LIMCH1: variants seen among roughly 807,000 people sequenced by gnomAD.
LIMCH1 encodes LIM and calponin homology domains 1.
LIMCH1 carries 113 observed loss-of-function variants against 176.5 expected under a neutral mutation model. The observed-to-expected ratio is 0.64, with a 90% CI of 0.55 to 0.75. The LOEUF is 0.75. Ranked by LOEUF, LIMCH1 falls within the 30% of genes least tolerant of loss-of-function variation. LIMCH1 has a pLI of 0.00. For synonymous variants in LIMCH1, 619 were observed against 645.9 expected (o/e 0.96, Z 0.63); for missense variants, 1,674 against 1,814.9 (o/e 0.92, Z 1.41).
rs202024828 is a variant in LIMCH1, at chr4:41,692,375, C to T, written c.4369C>T (p.Arg1457Ter). ...GLLNCNDCYM[R>*]SRSAGQPTTL ...CCTGAACTGTAATGATTGCTACATG[C>T]GATCCAGAAGTAAGTACTGGGGAGA... is the stretch of plus-strand genomic sequence containing the variant. Residue 1457 changes from arginine to a stop codon, truncating the protein, a stop_gained, in exon 31 of 32, where the codon CGA becomes TGA. Coordinates refer to ENST00000503057, the MANE Select transcript of LIMCH1 (RefSeq NM_001330672.2). LOFTEE classifies it high-confidence loss of function. 6.9e-6 allele frequency: 11 copies of T among 1,604,722 alleles called. No individual in the cohort carries two copies. The highest frequency in any genetic ancestry group is 1.7e-4 in the Middle Eastern group (1 of 6,036).
At chr4:41,433,078 C>T (rs2061741531) in intron 1 of LIMCH1, among the ~76,000 whole-genome samples, 1 of 152,218 alleles carries the variant, frequency 6.6e-6, no homozygotes, top group South Asian at 2.1e-4. Context: ...ATCACATTCT[C>T]TTAACATGAG....
chr4:41,500,263 T>C lies in LIMCH1; in HGVS notation c.167+5657T>C, dbSNP rs529904015. 3.3e-5 allele frequency among the ~76,000 whole-genome samples: 5 copies of C among 152,372 alleles called. No homozygotes were observed. In the East Asian group the frequency reaches 9.7e-4, roughly 29 times the overall value. On this transcript the variant is annotated intron_variant, in intron 2 of 26. Coordinates refer to the LIMCH1 transcript ENST00000313860. Reference sequence around the variant, plus strand: ...GGCTTTAGTATCTATTGATGATACTTTCCTGAATCAGTCATTACACTGAGA... The same window carrying C: ...GGCTTTAGTATCTATTGATGATACTCTCCTGAATCAGTCATTACACTGAGA...
chr4:41,604,336 C>A, intron 3 of LIMCH1: 1 of 482,066 alleles, frequency 2.1e-6, no homozygotes, highest in Non-Finnish European at 2.7e-6. Flanking sequence ...GTATTTTGTT[C>A]TCCTTTAAAT....
intron 23 of LIMCH1, 60 bp downstream of exon 23, chr4:41,676,522 C>A: frequency 1.7e-6 from 2 of 1,195,234 alleles, no homozygotes; most frequent in Non-Finnish European, 1.2e-6. Context: ...CTTTCCATTG[C>A]ATTAAATAGA....
At chr4:41,634,839 C>T (rs567099828) in intron 13 of LIMCH1, among the ~76,000 whole-genome samples, 7 of 152,248 alleles carry the variant, frequency 4.6e-5, no homozygotes, top group Non-Finnish European at 1.0e-4. Context: ...ACATGATTCC[C>T]GAGCTGGTTA....
intron 1 of LIMCH1, among the ~76,000 whole-genome samples, chr4:41,590,594 T>C: frequency 6.6e-6 from 1 of 152,164 alleles, no homozygotes; most frequent in South Asian, 2.1e-4. Context: ...ATAGTTCTCT[T>C]CTCCTCCCAC....
At chr4:41,499,596 G>T (rs1019770723) in intron 2 of LIMCH1, among the ~76,000 whole-genome samples, 7 of 152,188 alleles carry the variant, frequency 4.6e-5, no homozygotes, top group African/African-American at 1.4e-4. Context: ...AAGGTGGGGG[G>T]ATCATGAGGT....
chr4:41,640,994 G>T (rs1226676995), intron 14 of LIMCH1, among the ~76,000 whole-genome samples: 1 of 152,106 alleles, frequency 6.6e-6, no homozygotes, highest in South Asian at 2.1e-4. Context: ...CAAAGGAGTC[G>T]GTACGTTGTG....
intron 23 of LIMCH1, among the ~76,000 whole-genome samples, chr4:41,677,289 T>C (rs1283616731): frequency 6.6e-6 from 1 of 151,958 alleles, no homozygotes; most frequent in Non-Finnish European, 1.5e-5. Context: ...CACATGCCTG[T>C]AATCCCAGCT....
intron 1 of LIMCH1, among the ~76,000 whole-genome samples, chr4:41,409,401 A>G (rs1184234789): frequency 6.6e-6 from 1 of 152,150 alleles, no homozygotes; most frequent in African/African-American, 2.4e-5. Flanking sequence ...AGTAGTAGAG[A>G]TGACTATTAA....
In LIMCH1 at chr4:41,627,553, C is replaced by G. The variant is rs1382505227; in HGVS notation, c.1028+543C>G. 2.6e-5 allele frequency among the ~76,000 whole-genome samples: 4 copies of G among 152,218 alleles called. No homozygotes were observed. In the South Asian group the frequency reaches 6.2e-4, roughly 24 times the overall value. On this transcript the variant is annotated intron_variant, in intron 8 of 31. Coordinates refer to ENST00000503057, the MANE Select transcript of LIMCH1 (RefSeq NM_001330672.2). ...ACAAATGATAATGGATATTTCCCATCAAAAACACTTCTCAAACTTATACTT... is the reference window on the plus strand; with the variant it reads ...ACAAATGATAATGGATATTTCCCATGAAAAACACTTCTCAAACTTATACTT...
At chr4:41,468,843 T>A (rs2066536555) in intron 1 of LIMCH1, among the ~76,000 whole-genome samples, 1 of 152,178 alleles carries the variant, frequency 6.6e-6, no homozygotes, top group Non-Finnish European at 1.5e-5. Context: ...AACTCTGGGC[T>A]TTTGTGTGTT....
intron 21 of LIMCH1, 144 bp from the exon 22 acceptor site, chr4:41,671,409 CA>C: frequency 2.1e-6 from 1 of 475,274 alleles, no homozygotes; most frequent in Non-Finnish European, 3.6e-6. Flanking sequence ...CACACACACA[CA>C]CACACACACA....
At chr4:41,403,221 A>G (rs1211091037) in intron 1 of LIMCH1, among the ~76,000 whole-genome samples, 5 of 152,024 alleles carry the variant, frequency 3.3e-5, no homozygotes, top group African/African-American at 1.2e-4. Flanking sequence ...GTGGGGGAAG[A>G]TGGAATTTCC....
chr4:41,605,245 G>A (rs905721838), intron 3 of LIMCH1, among the ~76,000 whole-genome samples: 1 of 152,150 alleles, frequency 6.6e-6, no homozygotes, highest in Admixed American at 6.5e-5. Context: ...TTGGTAGCAA[G>A]CCTTGTCAAG....
At chr4:41,482,646 G>A (rs1181172347) in intron 1 of LIMCH1, among the ~76,000 whole-genome samples, 1 of 152,082 alleles carries the variant, frequency 6.6e-6, no homozygotes, top group Non-Finnish European at 1.5e-5. Context: ...AGATCAGGGA[G>A]GAAGCTGAAA....
At position 41,613,454 on chromosome 4, in the gene LIMCH1, C is replaced by CT. The variant is rs1561921224; in HGVS notation, c.10-6dup. 3 of 1,610,666 alleles carry CT rather than the reference C, an allele frequency of 1.9e-6. No individual in the cohort carries two copies. The highest frequency in any genetic ancestry group is 2.5e-6 in the Non-Finnish European group (3 of 1,177,428). On this transcript the variant is annotated splice_polypyrimidine_tract_variant and intron_variant, in intron 4 of 31. Coordinates refer to ENST00000503057, the MANE Select transcript of LIMCH1 (RefSeq NM_001330672.2). ...ATTATGTCTGTAACCCTTTCATTTT[C>CT]TTTTTTGACAGGACACTGATGACAT...
intron 5 of LIMCH1, among the ~76,000 whole-genome samples, chr4:41,618,161 A>G (rs976964337): frequency 4.6e-5 from 7 of 152,164 alleles, no homozygotes; most frequent in Non-Finnish European, 8.8e-5. Context: ...TTTATTTGTT[A>G]CCACCATAGT....
intron 1 of LIMCH1, among the ~76,000 whole-genome samples, chr4:41,561,137 C>T (rs576984148): frequency 1.3e-5 from 2 of 152,198 alleles, no homozygotes; most frequent in African/African-American, 4.8e-5. Flanking sequence ...AGCTGCCAGG[C>T]TCTTTCTGAC....
Sources: gnomAD v4.1 joint callset for allele counts (sites outside exome capture counted in the v4.1 genomes callset) on GRCh38, gnomAD v4.1.1 for gene constraint, MANE v1.5 for transcripts, NCBI Gene and HGNC (gene_info 2026-07-23, HGNC 2026-07-21) for gene names.